The following AVEN variants were observed in gnomAD, a reference collection of about 807,000 sequenced individuals.
The protein encoded by AVEN is cell death regulator Aven.
Under a neutral mutation model 38.1 loss-of-function variants are expected in AVEN, and 41 were observed. The observed-to-expected ratio is 1.08, with a 90% CI of 0.84 to 1.40. AVEN has a LOEUF of 1.40. Among genes scored for constraint, AVEN ranks in the 40% most tolerant of loss-of-function variants. The pLI, the probability that AVEN is intolerant of heterozygous loss-of-function variation, is 0.00. For synonymous variants in AVEN, 206 were observed against 171.8 expected, an observed-to-expected ratio of 1.20 and a Z score of -1.56; for missense variants, 605 against 438.8, an observed-to-expected ratio of 1.38 and a Z score of -3.38.
intron 1 of AVEN, among the ~76,000 whole-genome samples, chr15:34,023,551 T>G (rs1898306022): frequency 6.6e-6 from 1 of 152,158 alleles, no homozygotes; most frequent in African/African-American, 2.4e-5. Flanking sequence ...TGAGATTCAG[T>G]GCACAATTTC....
chr15:33,861,105 A>C, intron 11 of AVEN: 2 of 1,595,598 alleles, frequency 1.3e-6, no homozygotes, highest in Non-Finnish European at 1.7e-6. Context: ...TGGGATTGGC[A>C]ATGACTACTT....
intron 11 of AVEN, chr15:33,861,197 CA>C: frequency 6.5e-7 from 1 of 1,539,988 alleles, no homozygotes; most frequent in South Asian, 1.2e-5. Context: ...TCTTGGTTAA[CA>C]AAAGTAATGG....
rs958601135 is a variant in AVEN, at chr15:33,875,983, G to A, written c.458C>T (p.Ser153Leu). 2.5e-6 allele frequency: 4 copies of A among 1,612,554 alleles called. No homozygotes were observed. The African/African-American group carries it at 5.4e-5, about 22-fold the overall frequency. The change falls in exon 3 of 6, where the codon TCA becomes TTA. Residue 153 changes from serine (S) to leucine (L), a missense_variant. Physicochemically the swap from Ser to Leu is moderately radical, Grantham distance 145. Transcript: ENST00000306730. ...VLLSSAGDSF[S>L]QFRFAEEKEW... ...TTTCTCCTCAGCAAACCGGAACTGTGAGAATGAGTCCCCTAGGAATAGGAA... is the reference window on the plus strand; with the variant it reads ...TTTCTCCTCAGCAAACCGGAACTGTAAGAATGAGTCCCCTAGGAATAGGAA...
At chr15:33,918,790 A>C (rs906826767) in intron 2 of AVEN, among the ~76,000 whole-genome samples, 1 of 151,948 alleles carries the variant, frequency 6.6e-6, no homozygotes, top group Admixed American at 6.6e-5. Flanking sequence ...TTTTTCTTCT[A>C]AATGATGTTG....
At chr15:34,027,570 G>T (rs1312659780) in intron 1 of AVEN, among the ~76,000 whole-genome samples, 1 of 150,984 alleles carries the variant, frequency 6.6e-6, no homozygotes. Flanking sequence ...TCACAACTAT[G>T]GTAACTGTGA....
chr15:33,955,889 T>C (rs1373970426), intron 2 of AVEN, among the ~76,000 whole-genome samples: 1 of 152,234 alleles, frequency 6.6e-6, no homozygotes, highest in African/African-American at 2.4e-5. Flanking sequence ...AGTAGAGATG[T>C]GTTTCATGTA....
At chr15:33,865,242 G>C, downstream of AVEN, 1 of 1,551,906 alleles carries the variant, frequency 6.4e-7, no homozygotes, top group Non-Finnish European at 8.8e-7. Flanking sequence ...AATCAAAGAA[G>C]CGCGACAATT....
intron 2 of AVEN, among the ~76,000 whole-genome samples, chr15:33,907,545 T>A (rs750518192): frequency 6.6e-6 from 1 of 152,194 alleles, no homozygotes; most frequent in Admixed American, 6.5e-5. Flanking sequence ...AATGTAGCCA[T>A]ATTTCAGGCC....
the AVEN span, chr15:33,852,984 C>G: frequency 2.1e-6 from 3 of 1,430,752 alleles, no homozygotes; most frequent in Non-Finnish European, 2.9e-6. Context: ...TGAAACGTTT[C>G]TTGATGTGTT....
intron 2 of AVEN, among the ~76,000 whole-genome samples, chr15:33,907,876 T>A (rs1892766961): frequency 6.6e-6 from 1 of 151,414 alleles, no homozygotes; most frequent in Admixed American, 6.6e-5. Context: ...AAATGTATTA[T>A]CTTTTATAAT....
chr15:33,899,937 T>C (rs1200833547), intron 2 of AVEN, among the ~76,000 whole-genome samples: 1 of 105,872 alleles, frequency 9.4e-6, no homozygotes, highest in Non-Finnish European at 1.7e-5. Flanking sequence ...CACAGTTCAG[T>C]TTTTTTTTTT....
At position 34,038,837 on chromosome 15, in the gene AVEN, G is replaced by GCCT; in HGVS notation, c.207_209dup (p.Gly70dup). ...GCTCCCGGCGGCTGCCTCGCGGGGC[G>GCCT]CCTCCTCCTCCTCGGCCTCCGCGAG... On this transcript the variant is annotated inframe_insertion, in exon 1 of 6. Transcript: ENST00000306730. The GCCT allele has an allele frequency of 8.4e-7, 1 of 1,188,096 alleles. No homozygotes were observed. The highest frequency in any genetic ancestry group is 1.0e-6 in the Non-Finnish European group (1 of 960,098). 73.6% of individuals were successfully genotyped at this position (1,188,096 alleles called of 1,614,324 possible). A position where few individuals can be genotyped will look rare whatever the true frequency, so the allele number is the denominator to read the frequency against.
chr15:34,019,654 T>C (rs1898115863), intron 1 of AVEN, among the ~76,000 whole-genome samples: 1 of 152,246 alleles, frequency 6.6e-6, no homozygotes, highest in African/African-American at 2.4e-5. Context: ...ACCTTTTTTA[T>C]GTTTAGACAC....
upstream of AVEN, among the ~76,000 whole-genome samples, chr15:34,043,549 G>A (rs946525740): frequency 1.3e-5 from 2 of 152,132 alleles, no homozygotes; most frequent in Admixed American, 1.3e-4. Flanking sequence ...CCAGCTACAG[G>A]GGGAGAGACT....
chr15:33,961,845 G>C (rs1000918289), intron 2 of AVEN, among the ~76,000 whole-genome samples: 7 of 144,496 alleles, frequency 4.8e-5, no homozygotes, highest in East Asian at 2.1e-4. Flanking sequence ...AAAAGAAAAC[G>C]AAGTGCCTGA....
intron 1 of AVEN, among the ~76,000 whole-genome samples, chr15:34,074,323 C>T (rs200613861): frequency 6.6e-6 from 1 of 151,878 alleles, no homozygotes; most frequent in East Asian, 1.9e-4. Flanking sequence ...AAAACAAAAA[C>T]AAAAAACAAC....
chr15:33,865,051 G>C (rs1260007803), downstream of AVEN: 5 of 1,026,604 alleles, frequency 4.9e-6, no homozygotes, highest in Admixed American at 1.9e-5. Context: ...CCTAAAGGGA[G>C]CCACAAAGAA....
At chr15:33,989,062 T>C (rs941606292) in intron 2 of AVEN, among the ~76,000 whole-genome samples, 1 of 160 alleles carries the variant, frequency 6.3e-3, no homozygotes, top group Non-Finnish European at 0.016. Flanking sequence ...TAAATCCTGT[T>C]TTTTCTTATT....
chr15:33,860,475 T>C, intron 11 of AVEN: 2 of 568,108 alleles, frequency 3.5e-6, no homozygotes, highest in Non-Finnish European at 6.1e-6. Context: ...ATTATTTTTC[T>C]AATTTTGCTT....
Sources: allele counts gnomAD v4.1 joint callset (sites outside exome capture counted in the v4.1 genomes callset), GRCh38; gene constraint gnomAD v4.1.1; transcripts MANE v1.5; gene names NCBI Gene and HGNC (gene_info 2026-07-23, HGNC 2026-07-21).